The following SPIDR variants were observed in gnomAD, a reference collection of about 807,000 sequenced individuals.
SPIDR encodes DNA repair-scaffolding protein.
A neutral mutation model predicts 104.6 loss-of-function variants in SPIDR; 93 were observed. The ratio of observed to expected loss-of-function variants is 0.89; its 90% confidence interval spans 0.75 to 1.06. The LOEUF (loss-of-function observed/expected upper bound fraction) is 1.06, where lower values mean the gene tolerates loss of function less well. Among genes scored for constraint, SPIDR ranks in the 50% least tolerant of loss-of-function variants. The probability of loss-of-function intolerance (pLI) is 0.00; values close to 1 mark genes in which losing one functional copy is unlikely to be tolerated. For missense variants in SPIDR, 1,154 were observed against 1,111.2 expected (o/e 1.04, Z -0.55); for synonymous variants, 431 against 416.9 (o/e 1.03, Z -0.41).
At chr8:47,369,731 A>T (rs1554637350) in intron 5 of SPIDR, among the ~76,000 whole-genome samples, 1 of 152,252 alleles carries the variant, frequency 6.6e-6, no homozygotes, top group Admixed American at 6.5e-5. Context: ...TACTTTGTAG[A>T]AAGGACTTCT....
chr8:47,632,628 C>G (rs2067247459), intron 10 of SPIDR, among the ~76,000 whole-genome samples: 1 of 152,062 alleles, frequency 6.6e-6, no homozygotes, highest in Non-Finnish European at 1.5e-5. Flanking sequence ...GTCCTCATTC[C>G]CACTGCACAG....
intron 1 of SPIDR, among the ~76,000 whole-genome samples, chr8:47,269,378 C>G (rs1018123833): frequency 1.3e-5 from 2 of 151,708 alleles, no homozygotes; most frequent in Non-Finnish European, 2.9e-5. Flanking sequence ...CTGCCTCAGC[C>G]TCCTGAGTAG....
rs545671705 is a variant in SPIDR at position 47,610,315 on chromosome 8, G to A, written c.1544+11119G>A. ...AGACTGCAGCTCTGGAATGTGCTTT[G>A]CTGAGATGACGGCACAGAGAAGAGC... On this transcript the variant is annotated intron_variant, in intron 10 of 19. Transcript: ENST00000297423. Among the ~76,000 whole-genome samples the A allele has an allele frequency of 3.3e-5, 5 of 152,272 alleles. No individual in the cohort carries two copies. The South Asian group carries it at 1.0e-3, about 32-fold the overall frequency.
At chr8:47,261,032 C>T in intron 1 of SPIDR, 41 bp downstream of exon 1, 11 of 1,225,720 alleles carry the variant, frequency 9.0e-6, no homozygotes, top group Non-Finnish European at 1.1e-5. Context: ...CCGTTTCCCG[C>T]GTTGCGGGGA....
chr8:47,346,404 A>T (rs1048916635), intron 5 of SPIDR, among the ~76,000 whole-genome samples: 2 of 152,302 alleles, frequency 1.3e-5, no homozygotes, highest in Non-Finnish European at 1.5e-5. Flanking sequence ...ATTGATGTTC[A>T]TCAGGATGTT....
At chr8:47,493,695 G>A (rs571837182) in intron 8 of SPIDR, among the ~76,000 whole-genome samples, 47 of 152,180 alleles carry the variant, frequency 3.1e-4, no homozygotes, top group Admixed American at 2.8e-3. Context: ...GTTTTTTCTC[G>A]TTCTGTCATA....
intron 10 of SPIDR, among the ~76,000 whole-genome samples, chr8:47,634,668 C>A (rs2067607652): frequency 6.6e-6 from 1 of 152,148 alleles, no homozygotes; most frequent in Non-Finnish European, 1.5e-5. Flanking sequence ...TCACCTGGTC[C>A]AGGCCTGGCT....
chr8:47,374,822 A>G (rs1339548877), intron 5 of SPIDR, among the ~76,000 whole-genome samples: 2 of 152,168 alleles, frequency 1.3e-5, no homozygotes, highest in Non-Finnish European at 2.9e-5. Flanking sequence ...TTGAGAGGCC[A>G]AGATGGGCAG....
At chr8:47,504,146 G>T (rs917564145) in intron 8 of SPIDR, among the ~76,000 whole-genome samples, 7 of 152,084 alleles carry the variant, frequency 4.6e-5, no homozygotes, top group Non-Finnish European at 8.8e-5. Context: ...TGTCTTTGTG[G>T]CGTTCTCTGT....
intron 8 of SPIDR, among the ~76,000 whole-genome samples, chr8:47,467,515 G>A (rs1586208452): frequency 6.6e-6 from 1 of 152,132 alleles, no homozygotes; most frequent in South Asian, 2.1e-4. Context: ...TATCCACCAC[G>A]ATCAAGTTGG....
At chr8:47,596,123 A>G in intron 9 of SPIDR, 117 bp downstream of exon 9, 1 of 833,200 alleles carries the variant, frequency 1.2e-6, no homozygotes, top group South Asian at 1.8e-5. Context: ...AAACCCCACC[A>G]CAAGGATGTA....
intron 8 of SPIDR, among the ~76,000 whole-genome samples, chr8:47,545,714 C>A (rs1055801371): frequency 2.0e-5 from 3 of 152,052 alleles, no homozygotes; most frequent in Admixed American, 2.0e-4. Context: ...TGTTCCTAAT[C>A]TTAGAGGAAA....
At chr8:47,445,033 C>T (rs1442630102) in intron 8 of SPIDR, among the ~76,000 whole-genome samples, 1 of 152,158 alleles carries the variant, frequency 6.6e-6, no homozygotes, top group East Asian at 1.9e-4. Context: ...GCTGCTTTGA[C>T]TCCTTGATAT....
At chr8:47,628,447 C>T (rs192301546) in intron 10 of SPIDR, among the ~76,000 whole-genome samples, 1 of 152,246 alleles carries the variant, frequency 6.6e-6, no homozygotes, top group Non-Finnish European at 1.5e-5. Flanking sequence ...AGTTGAGCAT[C>T]CCTAAGCCAA....
intron 8 of SPIDR, among the ~76,000 whole-genome samples, chr8:47,539,107 C>T (rs889279250): frequency 2.6e-5 from 4 of 151,686 alleles, no homozygotes; most frequent in Non-Finnish European, 4.4e-5. Context: ...GTGATCCACC[C>T]GCTTCAGCCT....
intron 7 of SPIDR, among the ~76,000 whole-genome samples, chr8:47,420,990 G>A (rs2065338450): frequency 6.6e-6 from 1 of 152,222 alleles, no homozygotes; most frequent in African/African-American, 2.4e-5. Flanking sequence ...CTGTTAGTCT[G>A]ATGGGCTTCA....
chr8:47,287,192 G>A (rs2039009443), intron 3 of SPIDR, among the ~76,000 whole-genome samples: 3 of 152,064 alleles, frequency 2.0e-5, no homozygotes, highest in African/African-American at 7.2e-5. Flanking sequence ...TGCTTCAAAG[G>A]GCAAAAAGGA....
intron 8 of SPIDR, among the ~76,000 whole-genome samples, chr8:47,578,198 T>C (rs1223699841): frequency 1.3e-5 from 2 of 152,078 alleles, no homozygotes; most frequent in Admixed American, 1.3e-4. Context: ...ATCAGCCGGG[T>C]GCGGTGGCTC....
intron 8 of SPIDR, among the ~76,000 whole-genome samples, chr8:47,522,022 T>C (rs1418190946): frequency 6.6e-6 from 1 of 151,214 alleles, no homozygotes; most frequent in Admixed American, 6.6e-5. Context: ...AAATTAGCCA[T>C]GCATGGTGGC....
Sources: allele counts gnomAD v4.1 joint callset (sites outside exome capture counted in the v4.1 genomes callset), GRCh38; gene constraint gnomAD v4.1.1; transcripts MANE v1.5; gene names NCBI Gene and HGNC (gene_info 2026-07-23, HGNC 2026-07-21).